NRG1: variants seen among roughly 807,000 people sequenced by gnomAD.
NRG1 encodes pro-neuregulin-1, membrane-bound isoform.
Under a neutral mutation model 63.8 loss-of-function variants are expected in NRG1, and 18 were observed. The ratio of observed to expected loss-of-function variants is 0.28; its 90% CI spans 0.19 to 0.42. The LOEUF (loss-of-function observed/expected upper bound fraction) is 0.42. Among genes scored for constraint, NRG1 ranks in the 10% least tolerant of loss-of-function variants. The pLI is 1.00. For missense variants in NRG1, 762 were observed against 814.7 expected, an observed-to-expected ratio of 0.94 and a Z score of 0.79; for synonymous variants, 302 against 301.3, an observed-to-expected ratio of 1.00 and a Z score of -0.02.
intron 1 of NRG1, among the ~76,000 whole-genome samples, chr8:32,198,483 G>C (rs931630303): frequency 5.9e-5 from 9 of 152,152 alleles, no homozygotes; most frequent in African/African-American, 2.2e-4. Context: ...TGGCCCAAGG[G>C]CATTGTTTTC....
chr8:32,545,221 C>A, upstream of NRG1, among the ~76,000 whole-genome samples: 1 of 151,922 alleles, frequency 6.6e-6, no homozygotes, highest in East Asian at 2.0e-4. Context: ...TTAAGTCTAG[C>A]CAAGGAAAAA....
intron 1 of NRG1, among the ~76,000 whole-genome samples, chr8:32,059,358 T>C (rs1213647090): frequency 1.3e-5 from 2 of 152,020 alleles, no homozygotes; most frequent in Non-Finnish European, 2.9e-5. Context: ...GACATCGTGC[T>C]GCATCGCTAA....
chr8:32,105,254 C>T (rs997033026), intron 1 of NRG1, among the ~76,000 whole-genome samples: 3 of 152,088 alleles, frequency 2.0e-5, no homozygotes, highest in East Asian at 1.9e-4. Flanking sequence ...TGTATTAGTT[C>T]GTTTTCACGC....
chr8:32,058,270 G>A (rs1823288528), intron 1 of NRG1, among the ~76,000 whole-genome samples: 1 of 151,944 alleles, frequency 6.6e-6, no homozygotes, highest in African/African-American at 2.4e-5. Context: ...GACATACATG[G>A]CTGTATATAA....
In NRG1 at chr8:31,690,207, C is replaced by G. The variant is rs145909382; in HGVS notation, c.37+50776C>G. On this transcript the variant is annotated intron_variant, in intron 1 of 10. Coordinates refer to the NRG1 transcript ENST00000519301. Reference sequence around the variant, plus strand: ...CACCATAATTGTAAGTTTCCTGAAGCCTCCCTAGCCATGCTGAACTGTGAG... The same window carrying G: ...CACCATAATTGTAAGTTTCCTGAAGGCTCCCTAGCCATGCTGAACTGTGAG... Among the ~76,000 whole-genome samples, 604 of 150,612 alleles carry G rather than the reference C, an allele frequency of 4.0e-3. 6 individuals are homozygous for G. Among genetic ancestry groups the G allele is most frequent in the Non-Finnish European group, 4.7e-3 (321 of 67,716 alleles).
At chr8:32,454,941 G>A (rs528445072) in intron 1 of NRG1, among the ~76,000 whole-genome samples, 98 of 152,174 alleles carry the variant, frequency 6.4e-4, no homozygotes, top group Middle Eastern at 6.8e-3. Context: ...GATAAGTTTA[G>A]ATGTATAAAT....
At chr8:32,398,187 A>C (rs1176793546) in intron 1 of NRG1, among the ~76,000 whole-genome samples, 2 of 142,712 alleles carry the variant, frequency 1.4e-5, no homozygotes, top group African/African-American at 5.3e-5. Context: ...CTGGAGTAAA[A>C]TTATAATCTC....
chr8:31,985,900 C>A (rs1275766888), intron 1 of NRG1, among the ~76,000 whole-genome samples: 1 of 152,064 alleles, frequency 6.6e-6, no homozygotes, highest in East Asian at 1.9e-4. Flanking sequence ...TGGCACTTGG[C>A]AAAACATTGC....
At chr8:32,500,968 TGTTATAATCTTGAA>T (rs1339053996) in intron 1 of NRG1, among the ~76,000 whole-genome samples, 4 of 152,182 alleles carry the variant, frequency 2.6e-5, no homozygotes, top group Admixed American at 6.5e-5. Context: ...CTGTGTCCAG[TGTTATAATCTTGAA>T]GTTATTTAAG....
rs1826686987 is a variant in NRG1 at position 32,742,901 on chromosome 8, G to T, written c.691+168G>T. 1.3e-6 allele frequency: 2 copies of T among 1,526,492 alleles called. No homozygotes were observed. Among genetic ancestry groups the T allele is most frequent in the Non-Finnish European group, 1.8e-6 (2 of 1,135,322 alleles). The allele number at this position is 1,526,492 out of a possible 1,614,324, so 94.6% of individuals were successfully genotyped here. A position where few individuals can be genotyped will look rare whatever the true frequency, so the allele number is the denominator to read the frequency against. ...CATGAGAACATTAACAAAAGCAATTGTATTACTTCCTCTGTTCGCGACTAG... is the reference window on the plus strand; with the variant it reads ...CATGAGAACATTAACAAAAGCAATTTTATTACTTCCTCTGTTCGCGACTAG... On this transcript the variant is annotated intron_variant, in intron 7 of 11. Transcript: ENST00000356819. The surrounding 1 kb of genome is among the most constrained non-coding windows in gnomAD (Gnocchi z 4.2).
At chr8:32,508,145 C>G (rs543512961) in intron 1 of NRG1, among the ~76,000 whole-genome samples, 3 of 152,202 alleles carry the variant, frequency 2.0e-5, no homozygotes, top group Non-Finnish European at 4.4e-5. Context: ...GTGGCACATG[C>G]CTATAGTCCT....
intron 1 of NRG1, among the ~76,000 whole-genome samples, chr8:32,144,153 A>G (rs1836607307): frequency 6.6e-6 from 1 of 152,200 alleles, no homozygotes; most frequent in Non-Finnish European, 1.5e-5. Flanking sequence ...AGACTGAGAG[A>G]GACAAAGCAA....
intron 1 of NRG1, among the ~76,000 whole-genome samples, chr8:31,814,092 T>C (rs1823203501): frequency 6.6e-6 from 1 of 152,206 alleles, no homozygotes; most frequent in Admixed American, 6.5e-5. Context: ...TACAAAATTA[T>C]GAAATGTAGC....
At chr8:32,009,935 GGGTTCCTTTGT>G (rs925505258) in intron 1 of NRG1, among the ~76,000 whole-genome samples, 1 of 150,050 alleles carries the variant, frequency 6.7e-6, no homozygotes, top group East Asian at 2.0e-4. Flanking sequence ...TCACTTTTTG[GGGTTCCTTTGT>G]CAGCTGTGTA....
chr8:32,042,473 G>A lies in NRG1; in HGVS notation c.37+403042G>A, dbSNP rs556538603. Among the ~76,000 whole-genome samples, 4 of 151,782 alleles carry A rather than the reference G, an allele frequency of 2.6e-5. No homozygotes were observed. In the South Asian group the frequency reaches 8.3e-4, roughly 32 times the overall value. On this transcript the variant is annotated intron_variant, in intron 1 of 10. Transcript: ENST00000519301. ...AAAAAAACAAAAAACAAGACTTAGA[G>A]TCTCATAATATTCAGTAAGTCTAGC...
intron 1 of NRG1, among the ~76,000 whole-genome samples, chr8:31,957,399 C>T (rs914668112): frequency 1.3e-5 from 2 of 152,040 alleles, no homozygotes; most frequent in African/African-American, 2.4e-5. Flanking sequence ...GTCCCATTCT[C>T]TTTCTTTCTA....
chr8:31,969,872 A>G (rs1807001650), intron 1 of NRG1, among the ~76,000 whole-genome samples: 1 of 152,158 alleles, frequency 6.6e-6, no homozygotes, highest in Non-Finnish European at 1.5e-5. Flanking sequence ...TATGTGACAA[A>G]GATCAGTCAG....
intron 1 of NRG1, among the ~76,000 whole-genome samples, chr8:31,688,067 G>T (rs939897730): frequency 1.3e-5 from 2 of 152,146 alleles, no homozygotes; most frequent in African/African-American, 2.4e-5. Flanking sequence ...CTTCACAAAA[G>T]CTTTTGAAAA....
intron 1 of NRG1, among the ~76,000 whole-genome samples, chr8:32,556,734 G>A (rs530600493): frequency 6.6e-6 from 1 of 152,044 alleles, no homozygotes; most frequent in Non-Finnish European, 1.5e-5. Flanking sequence ...TTCAAATTTC[G>A]ATATAGCCAG....
Sources: gnomAD v4.1 joint callset for allele counts (sites outside exome capture counted in the v4.1 genomes callset) on GRCh38, gnomAD v4.1.1 for gene constraint, Gnocchi (gnomAD v3.1) non-coding constraint, MANE v1.5 for transcripts, NCBI Gene and HGNC (gene_info 2026-07-23, HGNC 2026-07-21) for gene names.